SGCZ: variants seen among roughly 807,000 people sequenced by gnomAD.
SGCZ encodes sarcoglycan zeta.
Under a neutral mutation model 41.3 loss-of-function variants are expected in SGCZ, and 40 were observed. The ratio of observed to expected loss-of-function variants is 0.97; its 90% CI spans 0.75 to 1.26. The LOEUF (loss-of-function observed/expected upper bound fraction) is 1.26, where lower values mean the gene tolerates loss of function less well. SGCZ is among the 50% of genes most tolerant of loss of function. SGCZ has a pLI of 0.00. For missense variants in SGCZ, 552 were observed against 369.8 expected, an observed-to-expected ratio of 1.49 and a Z score of -4.04; for synonymous variants, 206 against 137.5, an observed-to-expected ratio of 1.50 and a Z score of -3.49.
intron 2 of SGCZ, among the ~76,000 whole-genome samples, chr8:14,540,032 A>C (rs780307331): frequency 1.3e-5 from 2 of 152,002 alleles, no homozygotes; most frequent in African/African-American, 2.4e-5. Context: ...AAAGCCTATA[A>C]AATAAACTAT....
At chr8:14,457,409 C>T (rs1463334478) in intron 2 of SGCZ, among the ~76,000 whole-genome samples, 2 of 152,198 alleles carry the variant, frequency 1.3e-5, no homozygotes, top group Non-Finnish European at 1.5e-5. Context: ...GAACAACACC[C>T]GCTACTTAGC....
chr8:15,210,484 T>C (rs1801200770), intron 1 of SGCZ, among the ~76,000 whole-genome samples: 1 of 44,462 alleles, frequency 2.2e-5, no homozygotes, highest in African/African-American at 5.3e-5. Context: ...TCACAGTCTG[T>C]TGCTCTGACT....
At chr8:14,165,564 T>G (rs546403536) in intron 4 of SGCZ, among the ~76,000 whole-genome samples, 1 of 152,086 alleles carries the variant, frequency 6.6e-6, no homozygotes, top group Non-Finnish European at 1.5e-5. Context: ...ATGTCCAAAT[T>G]TCTTTGGACA....
At chr8:14,121,530 GT>G (rs910889777) in intron 5 of SGCZ, among the ~76,000 whole-genome samples, 1 of 151,912 alleles carries the variant, frequency 6.6e-6, no homozygotes, top group African/African-American at 2.4e-5. Flanking sequence ...ATTATACAGG[GT>G]TTTTTTGGTA....
Position 14,493,359 on chromosome 8 carries a change from C to CTTTTT in SGCZ, c.234+61368_234+61372dup, listed in dbSNP as rs57898016. Among the ~76,000 whole-genome samples the CTTTTT allele has an allele frequency of 9.6e-3, 426 of 44,266 alleles. 70 individuals carry two copies. Among genetic ancestry groups the CTTTTT allele is most frequent in the South Asian group, 0.021 (16 of 760 alleles). The allele number at this position is 44,266 out of a possible 152,430, so 29.0% of individuals were successfully genotyped here. ...CATACTTTTCCCACTATCATCCTTT[C>CTTTTT]TTTTTTTTTTTTTTTTTTTTTTTTT... is the stretch of plus-strand genomic sequence containing the variant. On this transcript the variant is annotated intron_variant, in intron 2 of 7. Transcript: ENST00000382080.
intron 1 of SGCZ, among the ~76,000 whole-genome samples, chr8:15,149,711 C>CAAAAAAAAA (rs750167614): frequency 7.0e-5 from 4 of 57,254 alleles, no homozygotes; most frequent in Admixed American, 2.1e-4. Flanking sequence ...CTATAAACTA[C>CAAAAAAAAA]AAAAAAAAAA....
At chr8:14,512,272 T>C (rs1445378170) in intron 2 of SGCZ, among the ~76,000 whole-genome samples, 1 of 152,148 alleles carries the variant, frequency 6.6e-6, no homozygotes, top group Admixed American at 6.6e-5. Flanking sequence ...TGATTAATAA[T>C]GCAAATATAA....
At chr8:14,826,505 C>G (rs1334628872) in intron 1 of SGCZ, among the ~76,000 whole-genome samples, 3 of 152,118 alleles carry the variant, frequency 2.0e-5, no homozygotes, top group Non-Finnish European at 4.4e-5. Flanking sequence ...TGAGGAATCG[C>G]CACACTGACT....
chr8:14,822,720 G>A (rs1033749099), intron 1 of SGCZ, among the ~76,000 whole-genome samples: 3 of 151,760 alleles, frequency 2.0e-5, no homozygotes, highest in Non-Finnish European at 4.4e-5. Flanking sequence ...AGAACATTGG[G>A]GATAAGACAG....
intron 1 of SGCZ, among the ~76,000 whole-genome samples, chr8:15,187,501 A>C (rs57131321): frequency 0.093 from 14,093 of 152,084 alleles, 799 homozygotes; most frequent in African/African-American, 0.16. Context: ...AGGATATCTC[A>C]TTTTTAGTAA....
intron 1 of SGCZ, among the ~76,000 whole-genome samples, chr8:14,985,200 C>T (rs1207750569): frequency 1.3e-5 from 2 of 152,118 alleles, no homozygotes; most frequent in Non-Finnish European, 2.9e-5. Context: ...GCAAATTTTA[C>T]TGAAATTAAA....
chr8:14,372,695 A>C (rs111622075), intron 2 of SGCZ, among the ~76,000 whole-genome samples: 3,028 of 152,216 alleles, frequency 0.02, 82 homozygotes, highest in African/African-American at 0.056. Context: ...TATCTGGAGA[A>C]AACACAGTAA....
At chr8:14,464,307 G>A (rs1010502090) in intron 2 of SGCZ, among the ~76,000 whole-genome samples, 2 of 151,280 alleles carry the variant, frequency 1.3e-5, no homozygotes, top group African/African-American at 4.8e-5. Flanking sequence ...ATCAGTTATA[G>A]GTCTATTCAA....
At chr8:14,797,166 C>T (rs1374235435) in intron 1 of SGCZ, among the ~76,000 whole-genome samples, 1 of 151,508 alleles carries the variant, frequency 6.6e-6, no homozygotes, top group Non-Finnish European at 1.5e-5. Context: ...GGGGTGGGGA[C>T]AGTTTGGAGG....
intron 1 of SGCZ, among the ~76,000 whole-genome samples, chr8:14,869,960 C>T (rs1043716560): frequency 3.9e-5 from 6 of 152,170 alleles, no homozygotes; most frequent in Non-Finnish European, 8.8e-5. Context: ...ATATTCCATG[C>T]TCATGGATAG....
intron 1 of SGCZ, among the ~76,000 whole-genome samples, chr8:15,227,924 T>C (rs117658139): frequency 0.031 from 4,753 of 152,274 alleles, 118 homozygotes; most frequent in Middle Eastern, 0.078. Context: ...CAAACCAATA[T>C]ACAGCACTAT....
At chr8:14,843,864 T>G (rs970248171) in intron 1 of SGCZ, among the ~76,000 whole-genome samples, 2 of 151,926 alleles carry the variant, frequency 1.3e-5, no homozygotes, top group African/African-American at 4.8e-5. Context: ...AGTCTAGTCT[T>G]AGTTCTGTTC....
intron 1 of SGCZ, among the ~76,000 whole-genome samples, chr8:14,560,517 C>A (rs1047671008): frequency 6.6e-6 from 1 of 152,102 alleles, no homozygotes; most frequent in East Asian, 1.9e-4. Context: ...AAGTAGGAGA[C>A]CTTCCCCTTG....
In SGCZ at chr8:14,113,527, G is replaced by T. The variant is rs149115837; in HGVS notation, c.548-5292C>A. Among the ~76,000 whole-genome samples, 637 of 152,124 alleles carry T rather than the reference G, an allele frequency of 4.2e-3. 5 individuals carry two copies. The highest frequency in any genetic ancestry group is 0.014 in the African/African-American group (600 of 41,530). On this transcript the variant is annotated intron_variant, in intron 5 of 7. Coordinates refer to ENST00000382080, the MANE Select transcript of SGCZ (RefSeq NM_139167.4). ...ATATTGATAAGGATCCAGATTTCCA[G>T]CCTTTTTTGAGTTTTCTCCTTTTGT...
Sources: gnomAD v4.1 joint callset for allele counts (sites outside exome capture counted in the v4.1 genomes callset) on GRCh38, gnomAD v4.1.1 for gene constraint, MANE v1.5 for transcripts, NCBI Gene and HGNC (gene_info 2026-07-23, HGNC 2026-07-21) for gene names.